MTREX: variants seen among roughly 807,000 people sequenced by gnomAD.
The protein encoded by MTREX is exosome RNA helicase MTR4.
MTREX carries 76 observed loss-of-function variants against 135.4 expected under a neutral mutation model. The observed-to-expected ratio is 0.56, with a 90% CI of 0.47 to 0.68. The LOEUF is 0.68. Among genes scored for constraint, MTREX ranks in the 30% least tolerant of loss-of-function variants. The pLI, the probability that MTREX is intolerant of heterozygous loss-of-function variation, is 0.00. For synonymous variants in MTREX, 404 were observed against 401.6 expected, an observed-to-expected ratio of 1.01 and a Z score of -0.07; for missense variants, 920 against 1,262.1, an observed-to-expected ratio of 0.73 and a Z score of 4.11.
chr5:55,408,316 T>C (rs1430622979), intron 22 of MTREX, among the ~76,000 whole-genome samples: 2 of 152,170 alleles, frequency 1.3e-5, no homozygotes, highest in Non-Finnish European at 2.9e-5. Flanking sequence ...CACCTTTTTT[T>C]CCTCATAACA....
chr5:55,370,989 A>G (rs943658916), intron 16 of MTREX, among the ~76,000 whole-genome samples: 1 of 152,244 alleles, frequency 6.6e-6, no homozygotes, highest in Non-Finnish European at 1.5e-5. Context: ...TCTAATCAAC[A>G]GTACATTTTT....
rs542287817 is a variant in MTREX at position 55,410,582 on chromosome 5, G to A, written c.2704G>A (p.Ala902Thr). 1 of 1,611,100 alleles carries A rather than the reference G, an allele frequency of 6.2e-7. No homozygotes were observed. The highest frequency in any genetic ancestry group is 8.5e-7 in the Non-Finnish European group (1 of 1,178,088). The change falls in exon 23 of 27, where the codon GCA becomes ACA. Residue 902 changes from alanine (A) to threonine (T), a missense_variant. Physicochemically the swap from Ala to Thr is moderately conservative, Grantham distance 58 (BLOSUM62 0). Transcript: ENST00000230640. ...TAATGGCCTTTTCAATGACCTTTCTGCAGAACAGGCAACAGCATTATTAAG... is the reference window on the plus strand; with the variant it reads ...TAATGGCCTTTTCAATGACCTTTCTACAGAACAGGCAACAGCATTATTAAG... ...MFNGLFNDLS[A>T]EQATALLSCF...
intron 11 of MTREX, among the ~76,000 whole-genome samples, chr5:55,349,070 G>A (rs1749783204): frequency 1.3e-5 from 2 of 151,678 alleles, no homozygotes; most frequent in African/African-American, 4.9e-5. Context: ...CATGAATTAA[G>A]TCTACTAGAT....
At chr5:55,418,044 C>T (rs1476256503) in intron 25 of MTREX, among the ~76,000 whole-genome samples, 3 of 151,288 alleles carry the variant, frequency 2.0e-5, no homozygotes, top group Non-Finnish European at 4.4e-5. Flanking sequence ...ACCATCCTGG[C>T]TAACACGGTG....
At position 55,356,022 on chromosome 5, in the gene MTREX, A is replaced by T. The variant is rs564035166; in HGVS notation, c.1534-2551A>T. 4.5e-3 allele frequency among the ~76,000 whole-genome samples: 689 copies of T among 152,300 alleles called. 6 individuals carry two copies. Among genetic ancestry groups the T allele is most frequent in the Non-Finnish European group, 7.5e-3 (513 of 68,016 alleles). ...AGGTTCTGTCCTTTCTCCAACTCAT[A>T]CCAGAGCAGTTTCCCACCAAAATGA... On this transcript the variant is annotated intron_variant, in intron 14 of 26. Transcript: ENST00000230640.
At chr5:55,397,594 A>G (rs1750666312) in intron 20 of MTREX, 68 bp downstream of exon 20, 2 of 940,768 alleles carry the variant, frequency 2.1e-6, no homozygotes, top group Non-Finnish European at 3.2e-6. Context: ...TAAAGAGGCA[A>G]CTGAAATGCT....
At chr5:55,317,427 A>G (rs1749216776) in intron 1 of MTREX, among the ~76,000 whole-genome samples, 1 of 152,206 alleles carries the variant, frequency 6.6e-6, no homozygotes. Flanking sequence ...TGGTACAAAA[A>G]CAGGCACATT....
chr5:55,315,908 C>G (rs1443534836), intron 1 of MTREX, among the ~76,000 whole-genome samples: 1 of 148,878 alleles, frequency 6.7e-6, no homozygotes, highest in Non-Finnish European at 1.5e-5. Context: ...TTGTTTTATA[C>G]CCCGGCAGAA....
At chr5:55,373,725 T>C (rs895977374) in intron 16 of MTREX, among the ~76,000 whole-genome samples, 1 of 152,052 alleles carries the variant, frequency 6.6e-6, no homozygotes, top group African/African-American at 2.4e-5. Flanking sequence ...AACTTAGGAC[T>C]TGTGACTAGT....
At chr5:55,378,022 G>T (rs1230029723) in intron 16 of MTREX, among the ~76,000 whole-genome samples, 1 of 152,052 alleles carries the variant, frequency 6.6e-6, no homozygotes, top group African/African-American at 2.4e-5. Flanking sequence ...ATCATAATGG[G>T]CAGATCTTGC....
intron 18 of MTREX, among the ~76,000 whole-genome samples, chr5:55,385,327 A>T (rs549055750): frequency 6.6e-6 from 1 of 152,260 alleles, no homozygotes; most frequent in South Asian, 2.1e-4. Flanking sequence ...GGAGCACCAC[A>T]CCAAGATAGA....
At chr5:55,415,119 C>T (rs1190481557) in intron 24 of MTREX, among the ~76,000 whole-genome samples, 1 of 151,326 alleles carries the variant, frequency 6.6e-6, no homozygotes, top group African/African-American at 2.4e-5. Context: ...TAAGGAATTA[C>T]AAGAGAGGAA....
intron 14 of MTREX, among the ~76,000 whole-genome samples, chr5:55,354,061 TAATCCC>T (rs1441742031): frequency 6.6e-6 from 1 of 152,202 alleles, no homozygotes; most frequent in African/African-American, 2.4e-5. Context: ...AGCAAATCCT[TAATCCC>T]AAGGCAAGTA....
chr5:55,400,444 A>G lies in MTREX; in HGVS notation c.2481+23A>G, dbSNP rs771829105. 5 of 1,504,172 alleles carry G rather than the reference A, an allele frequency of 3.3e-6. 1 individual carries two copies. Among genetic ancestry groups the G allele is most frequent in the South Asian group, 2.5e-5 (2 of 79,472 alleles). The allele number at this position is 1,504,172 out of a possible 1,614,324, so 93.2% of individuals were successfully genotyped here. ...CAGGTATGGCAGAAATTTGGTTTTT[A>G]TAGTAGAATTCTATATGTTTCACTG... is the stretch of plus-strand genomic sequence containing the variant. On this transcript the variant is annotated intron_variant, in intron 21 of 26. Transcript: ENST00000230640.
chr5:55,312,187 T>G (rs899712777), intron 1 of MTREX, among the ~76,000 whole-genome samples: 1 of 152,152 alleles, frequency 6.6e-6, no homozygotes, highest in Admixed American at 6.6e-5. Context: ...TTACCTGGAA[T>G]CCACCTATTA....
At chr5:55,356,344 T>A (rs1005203990) in intron 14 of MTREX, 1 of 158,626 alleles carries the variant, frequency 6.3e-6, no homozygotes, top group Admixed American at 6.5e-5. Context: ...AGTTTGAGTT[T>A]CTGCAGCTCA....
intron 16 of MTREX, among the ~76,000 whole-genome samples, chr5:55,368,308 G>A (rs750731253): frequency 2.6e-5 from 4 of 151,988 alleles, no homozygotes; most frequent in South Asian, 2.1e-4. Flanking sequence ...AAAATTAGCC[G>A]GGCATGGTGG....
intron 19 of MTREX, among the ~76,000 whole-genome samples, chr5:55,393,637 A>G (rs781344768): frequency 1.3e-5 from 2 of 152,224 alleles, no homozygotes; most frequent in Non-Finnish European, 2.9e-5. Context: ...AGGTCTAAGG[A>G]TAAAAATACT....
At position 55,311,810 on chromosome 5, in the gene MTREX, G is replaced by A. The variant is rs112638735; in HGVS notation, c.134+3663G>A. Among the ~76,000 whole-genome samples, 924 of 152,152 alleles carry A rather than the reference G, an allele frequency of 6.1e-3. 8 individuals are homozygous for A. The highest frequency in any genetic ancestry group is 0.021 in the African/African-American group (891 of 41,512). ...GAAATGATAGTATTTTGCATATATT[G>A]GGTTCAATGAAAGATATTAAAATTT... On this transcript the variant is annotated intron_variant, in intron 1 of 26. Transcript: ENST00000230640.
Sources: gnomAD v4.1 joint callset for allele counts (sites outside exome capture counted in the v4.1 genomes callset) on GRCh38, gnomAD v4.1.1 for gene constraint, MANE v1.5 for transcripts, NCBI Gene and HGNC (gene_info 2026-07-23, HGNC 2026-07-21) for gene names.